Variants in MBOAT7 observed in about 807,000 individuals in gnomAD.
MBOAT7 encodes membrane-bound acylglycerophosphatidylinositol O-acyltransferase MBOAT7.
In MBOAT7, 40 loss-of-function variants were observed where a neutral mutation model predicts 47.4. The observed-to-expected ratio is 0.84, with a 90% CI of 0.66 to 1.10. The LOEUF (loss-of-function observed/expected upper bound fraction) is 1.10. Among genes scored for constraint, MBOAT7 ranks in the 50% least tolerant of loss-of-function variants. The pLI, the probability that MBOAT7 is intolerant of heterozygous loss-of-function variation, is 0.00. For missense variants in MBOAT7, 680 were observed against 655.6 expected (o/e 1.04, Z -0.41); for synonymous variants, 361 against 292.0 (o/e 1.24, Z -2.41).
chr19:54,175,951 TTG>T (rs1341891398), intron 7 of MBOAT7, among the ~76,000 whole-genome samples: 1 of 152,050 alleles, frequency 6.6e-6, no homozygotes, highest in Non-Finnish European at 1.5e-5. Flanking sequence ...TCTCAATCTC[TTG>T]ACCTTGTGAT....
At chr19:54,183,444 G>T in intron 5 of MBOAT7, 77 bp downstream of exon 5, 2 of 1,536,354 alleles carry the variant, frequency 1.3e-6, no homozygotes, top group Non-Finnish European at 1.8e-6. Flanking sequence ...GGCAGGGCGG[G>T]AACACAGAAC....
chr19:54,180,427 G>C lies in MBOAT7; in HGVS notation c.854+346C>G, dbSNP rs2076229967. ...GGGTGACCCACCACTAGCAAAGGAT[G>C]GCATCCCCAGCAAGCAGGAACAATC... On this transcript the variant is annotated intron_variant, in intron 6 of 7. Coordinates refer to ENST00000245615, the MANE Select transcript of MBOAT7 (RefSeq NM_024298.5). This position sits in a 1 kb window ranked among gnomAD's most constrained non-coding sequence, Gnocchi z 5.2. The C allele has an allele frequency of 4.5e-6, 1 of 220,982 alleles. No homozygotes were observed. The highest frequency in any genetic ancestry group is 2.3e-5 in the African/African-American group (1 of 43,714). The allele number at this position is 220,982 out of a possible 1,614,324, so 13.7% of individuals were successfully genotyped here.
At chr19:54,175,590 CAG>C (rs1032988840) in intron 7 of MBOAT7, among the ~76,000 whole-genome samples, 2 of 152,146 alleles carry the variant, frequency 1.3e-5, no homozygotes, top group Admixed American at 1.3e-4. Flanking sequence ...TTTTTGGAGA[CAG>C]AGTCTCGCTC....
chr19:54,183,343 A>C (rs2076338461), intron 5 of MBOAT7, among the ~76,000 whole-genome samples, 178 bp downstream of exon 5: 1 of 152,234 alleles, frequency 6.6e-6, no homozygotes, highest in Non-Finnish European at 1.5e-5. Context: ...CTTCTACCCC[A>C]AAGCAGCTCT....
Position 54,181,106 on chromosome 19 carries a change from A to G in MBOAT7, c.521T>C (p.Leu174Pro). ...GGGGAAGGGCTGCTCCAGCCAGTCC[A>G]GGTAGGTGCGGTAGCGGAAGAACGG... ...TGPFFRYRTY[L>P]DWLEQPFPGA... Residue 174 changes from leucine to proline, a missense_variant, in exon 6 of 8, where the codon CTG becomes CCG. Coordinates refer to ENST00000245615, the MANE Select transcript of MBOAT7 (RefSeq NM_024298.5). 1.5e-6 allele frequency: 2 copies of G among 1,353,068 alleles called. No individual in the cohort carries two copies. The highest frequency in any genetic ancestry group is 1.9e-6 in the Non-Finnish European group (2 of 1,029,394). 83.8% of individuals were successfully genotyped at this position (1,353,068 alleles called of 1,614,324 possible).
intron 5 of MBOAT7, 35 bp downstream of exon 5, chr19:54,183,486 C>T: frequency 1.3e-6 from 2 of 1,596,690 alleles, no homozygotes; most frequent in South Asian, 1.1e-5. Context: ...ACACAGGAGA[C>T]AGAGCGGCAG....
rs77879082 is a variant in MBOAT7 at position 54,178,269 on chromosome 19, G to T, written c.1031+496C>A. 4,770 of 996,964 alleles carry T rather than the reference G, an allele frequency of 4.8e-3. 142 individuals are homozygous for T. The East Asian group carries it at 0.12, about 25-fold the overall frequency. 61.8% of individuals were successfully genotyped at this position (996,964 alleles called of 1,614,324 possible). ...TGTCAAGCACAGAGTCTCCACTCGA[G>T]AAATATTGGAAGAATGAAAAACAAT... On this transcript the variant is annotated intron_variant, in intron 7 of 7. Transcript: ENST00000245615.
intron 6 of MBOAT7, 83 bp from the exon 7 acceptor site, chr19:54,179,024 G>A (rs573456215): frequency 6.0e-5 from 92 of 1,528,704 alleles, no homozygotes; most frequent in Admixed American, 1.7e-4. Flanking sequence ...TCCCAGCCCC[G>A]GATGCTAAGG....
At chr19:54,183,134 A>G (rs2076333994) in intron 5 of MBOAT7, among the ~76,000 whole-genome samples, 1 of 152,198 alleles carries the variant, frequency 6.6e-6, no homozygotes, top group South Asian at 2.1e-4. Context: ...CGAAAGTGCT[A>G]GGATTATAGG....
chr19:54,189,231 C>A, intron 1 of MBOAT7, 107 bp downstream of exon 1: 1 of 153,232 alleles, frequency 6.5e-6, no homozygotes, highest in Non-Finnish European at 1.5e-5. Context: ...GTTGCGCCAG[C>A]CCCGAGTTCC....
chr19:54,183,957 C>T (rs985028890), intron 4 of MBOAT7, among the ~76,000 whole-genome samples: 1 of 152,090 alleles, frequency 6.6e-6, no homozygotes, highest in Non-Finnish European at 1.5e-5. Flanking sequence ...CTACCCCAGC[C>T]CCAGACCTAT....
chr19:54,186,790 T>C (rs536198447), intron 4 of MBOAT7, among the ~76,000 whole-genome samples: 2 of 152,330 alleles, frequency 1.3e-5, no homozygotes, highest in African/African-American at 4.8e-5. Context: ...GCCCTAGTTT[T>C]GTTCCCTTCA....
At chr19:54,186,883 C>A in intron 4 of MBOAT7, 1 of 458,296 alleles carries the variant, frequency 2.2e-6, no homozygotes, top group South Asian at 4.1e-5. Context: ...TGTTGGTAAA[C>A]CACCCAGCTG....
chr19:54,173,440 G>C lies in MBOAT7; in HGVS notation c.*604C>G, dbSNP rs1390433036. ...CTTTGTGCAACACTTTATTGGGAAA[G>C]ATTTACACACGGTGACCTGTCATAG... On this transcript the variant is annotated 3_prime_UTR_variant, in exon 8 of 8. Transcript: ENST00000245615. 3.6e-6 allele frequency: 1 copy of C among 276,782 alleles called. No homozygotes were observed. The highest frequency in any genetic ancestry group is 6.9e-6 in the Non-Finnish European group (1 of 145,006). 17.1% of individuals were successfully genotyped at this position (276,782 alleles called of 1,614,324 possible).
At chr19:54,179,316 A>G in intron 6 of MBOAT7, 1 of 275,690 alleles carries the variant, frequency 3.6e-6, no homozygotes, top group Non-Finnish European at 6.9e-6. Flanking sequence ...CGGACACTGC[A>G]GTTGCCAGGG....
chr19:54,180,889 G>C lies in MBOAT7; in HGVS notation c.738C>G (p.Tyr246Ter). The C allele has an allele frequency of 6.3e-7, 1 of 1,596,182 alleles. No homozygotes were observed. The highest frequency in any genetic ancestry group is 8.5e-7 in the Non-Finnish European group (1 of 1,173,350). The change falls in exon 6 of 8, where the codon TAC becomes TAG. Residue 246 changes from tyrosine (Y) to a stop codon, truncating the protein, a stop_gained. Coordinates refer to ENST00000245615, the MANE Select transcript of MBOAT7 (RefSeq NM_024298.5). LOFTEE classifies it high-confidence loss of function. The surrounding 1 kb of genome is among the most constrained non-coding windows in gnomAD (Gnocchi z 5.2). ...CGCACTCGGCGGCAATCCAGGCCAC[G>C]TAGAAGCGCATGCGGAAGGCGAAGA... ...PVFFAFRMRF[Y>*]VAWIAAECGC...
chr19:54,181,190 C>G (rs1284330341), intron 5 of MBOAT7, 57 bp from the exon 6 acceptor site: 2 of 1,441,638 alleles, frequency 1.4e-6, no homozygotes, highest in African/African-American at 2.9e-5. Context: ...GAGCTCAAGT[C>G]TGCAGGAGGA....
At chr19:54,187,652 C>T (rs902914609) in intron 3 of MBOAT7, among the ~76,000 whole-genome samples, 4 of 152,188 alleles carry the variant, frequency 2.6e-5, no homozygotes, top group Non-Finnish European at 5.9e-5. Flanking sequence ...CTGTCCACCT[C>T]TCTCCATGAC....
At chr19:54,182,560 A>G (rs960937660) in intron 5 of MBOAT7, among the ~76,000 whole-genome samples, 1 of 151,552 alleles carries the variant, frequency 6.6e-6, no homozygotes, top group African/African-American at 2.4e-5. Flanking sequence ...GTGGATGAGT[A>G]TGTGAATTAG....
Sources: gnomAD v4.1 joint callset for allele counts (sites outside exome capture counted in the v4.1 genomes callset) on GRCh38, gnomAD v4.1.1 for gene constraint, Gnocchi (gnomAD v3.1) non-coding constraint, MANE v1.5 for transcripts, NCBI Gene and HGNC (gene_info 2026-07-23, HGNC 2026-07-21) for gene names.